The following ADGRL2 variants were observed in gnomAD, a reference collection of about 807,000 sequenced individuals.
ADGRL2 encodes calcium-independent alpha-latrotoxin receptor 2.
In ADGRL2, 44 loss-of-function variants were observed where a neutral mutation model predicts 157.4. The ratio of observed to expected loss-of-function variants is 0.28; its 90% confidence interval spans 0.22 to 0.36. The LOEUF (loss-of-function observed/expected upper bound fraction) is 0.36. Ranked by LOEUF, ADGRL2 falls within the 10% of genes least tolerant of loss-of-function variation. The probability of loss-of-function intolerance (pLI) is 1.00; values close to 1 mark genes in which losing one functional copy is unlikely to be tolerated. For synonymous variants in ADGRL2, 585 were observed against 624.7 expected (o/e 0.94, Z 0.95); for missense variants, 1,510 against 1,768.9 (o/e 0.85, Z 2.63).
At chr1:81,614,955 G>A (rs537651164) in intron 3 of ADGRL2, among the ~76,000 whole-genome samples, 12 of 152,132 alleles carry the variant, frequency 7.9e-5, no homozygotes, top group Non-Finnish European at 1.3e-4. Context: ...AGAGTTTGCA[G>A]TGAGCAGAGA....
chr1:81,315,235 G>A (rs943274122), intron 1 of ADGRL2, among the ~76,000 whole-genome samples: 1 of 152,108 alleles, frequency 6.6e-6, no homozygotes, highest in African/African-American at 2.4e-5. Flanking sequence ...ATTGATTAGA[G>A]GTAGAGATTT....
At chr1:81,439,462 C>A (rs900421724) in intron 1 of ADGRL2, among the ~76,000 whole-genome samples, 1 of 152,154 alleles carries the variant, frequency 6.6e-6, no homozygotes, top group African/African-American at 2.4e-5. Context: ...TTTCTCAGCC[C>A]CTTCACTGGA....
chr1:81,640,009 G>A (rs1247804898), intron 3 of ADGRL2, among the ~76,000 whole-genome samples: 1 of 152,140 alleles, frequency 6.6e-6, no homozygotes, highest in Non-Finnish European at 1.5e-5. Context: ...GATTTTAGTT[G>A]ATTCGGTTCA....
At chr1:81,940,477 A>AT (rs1317978657) in intron 4 of ADGRL2, among the ~76,000 whole-genome samples, 1 of 151,664 alleles carries the variant, frequency 6.6e-6, no homozygotes, top group African/African-American at 2.4e-5. Flanking sequence ...AGAATAACAC[A>AT]TTATAGAGCA....
chr1:81,685,115 C>T (rs1020382052), intron 3 of ADGRL2, among the ~76,000 whole-genome samples: 6 of 151,968 alleles, frequency 3.9e-5, no homozygotes, highest in African/African-American at 7.2e-5. Flanking sequence ...TTTGGCTATG[C>T]GAGCTCTTTT....
At chr1:81,535,966 C>T (rs1423996637) in intron 2 of ADGRL2, among the ~76,000 whole-genome samples, 1 of 152,140 alleles carries the variant, frequency 6.6e-6, no homozygotes, top group East Asian at 1.9e-4. Context: ...CCTAACTGCA[C>T]ATACAAACAG....
chr1:81,473,691 T>A (rs944917884), intron 2 of ADGRL2, among the ~76,000 whole-genome samples: 13 of 152,166 alleles, frequency 8.5e-5, no homozygotes, highest in African/African-American at 3.1e-4. Context: ...TGAGACTAGC[T>A]GGAGAGTCAA....
chr1:81,359,440 G>A (rs10874220), intron 1 of ADGRL2, among the ~76,000 whole-genome samples: 77,246 of 151,696 alleles, frequency 0.51, 21,666 homozygotes, highest in East Asian at 0.72. Context: ...TATGGGAACA[G>A]GAGGCAAAAC....
At chr1:81,846,212 A>G (rs1045580593) in intron 2 of ADGRL2, among the ~76,000 whole-genome samples, 1 of 151,828 alleles carries the variant, frequency 6.6e-6, no homozygotes, top group African/African-American at 2.4e-5. Context: ...AACAAAAAAG[A>G]AAAAGAATAG....
chr1:81,864,107 A>G (rs888483398), intron 2 of ADGRL2, among the ~76,000 whole-genome samples: 3 of 152,170 alleles, frequency 2.0e-5, no homozygotes, highest in African/African-American at 7.2e-5. Flanking sequence ...TTTATACTTT[A>G]TTATGGATAT....
chr1:81,564,512 T>A (rs1356220762), intron 2 of ADGRL2, among the ~76,000 whole-genome samples: 2 of 152,178 alleles, frequency 1.3e-5, no homozygotes, highest in Non-Finnish European at 2.9e-5. Context: ...CCTCAGTGCC[T>A]TGCCACATGC....
intron 1 of ADGRL2, among the ~76,000 whole-genome samples, chr1:81,431,061 A>G (rs10782760): frequency 0.74 from 112,908 of 152,018 alleles, 42,704 homozygotes; most frequent in East Asian, 1. Flanking sequence ...GAACAGGTAC[A>G]GGAAATGGGG....
At chr1:81,476,107 A>G (rs1268704038) in intron 2 of ADGRL2, among the ~76,000 whole-genome samples, 2 of 152,082 alleles carry the variant, frequency 1.3e-5, no homozygotes, top group African/African-American at 4.8e-5. Context: ...CCTTCACACT[A>G]GACACTTAAA....
At chr1:81,601,847 A>C (rs1447040036) in intron 3 of ADGRL2, among the ~76,000 whole-genome samples, 2 of 152,190 alleles carry the variant, frequency 1.3e-5, no homozygotes, top group Non-Finnish European at 2.9e-5. Context: ...AGGGTTTTTA[A>C]CAGTTTAGTG....
intron 1 of ADGRL2, among the ~76,000 whole-genome samples, chr1:81,750,468 C>T (rs2085453948): frequency 6.6e-6 from 1 of 152,194 alleles, no homozygotes; most frequent in African/African-American, 2.4e-5. Context: ...CCTGTAATCC[C>T]AGCACTTTGG....
At chr1:81,763,960 C>T (rs989423176) in intron 2 of ADGRL2, among the ~76,000 whole-genome samples, 3 of 151,874 alleles carry the variant, frequency 2.0e-5, no homozygotes, top group Admixed American at 6.6e-5. Flanking sequence ...GAGCCAGGAT[C>T]GTGCCACTGC....
intron 1 of ADGRL2, among the ~76,000 whole-genome samples, chr1:81,366,960 C>T (rs1379890761): frequency 6.6e-6 from 1 of 152,146 alleles, no homozygotes; most frequent in Non-Finnish European, 1.5e-5. Context: ...CTGAGATGAT[C>T]TTAATCACCC....
chr1:81,881,071 T>C (rs2093974204), intron 2 of ADGRL2, among the ~76,000 whole-genome samples: 1 of 152,200 alleles, frequency 6.6e-6, no homozygotes, highest in Non-Finnish European at 1.5e-5. Context: ...AAATTATATA[T>C]TGTTATGAAT....
intron 3 of ADGRL2, among the ~76,000 whole-genome samples, chr1:81,623,689 T>C (rs1401961218): frequency 7.0e-6 from 1 of 142,284 alleles, no homozygotes; most frequent in Admixed American, 7.7e-5. Flanking sequence ...CAGGTTGGAG[T>C]GCAGTGGCGT....
Sources: gnomAD v4.1 joint callset for allele counts (sites outside exome capture counted in the v4.1 genomes callset) on GRCh38, gnomAD v4.1.1 for gene constraint, MANE v1.5 for transcripts, NCBI Gene and HGNC (gene_info 2026-07-23, HGNC 2026-07-21) for gene names.